The following ALLC variants were observed in gnomAD, a reference collection of about 807,000 sequenced individuals.
The protein encoded by ALLC is allantoicase, also known as probable inactive allantoicase.
A neutral mutation model predicts 45.0 loss-of-function variants in ALLC; 40 were observed. The observed-to-expected ratio is 0.89, with a 90% CI of 0.69 to 1.16. ALLC has a LOEUF of 1.16. ALLC is among the 50% of genes most tolerant of loss of function. The pLI, the probability that ALLC is intolerant of heterozygous loss-of-function variation, is 0.00. For missense variants in ALLC, 488 were observed against 493.1 expected, an observed-to-expected ratio of 0.99 and a Z score of 0.10; for synonymous variants, 176 against 178.1, an observed-to-expected ratio of 0.99 and a Z score of 0.09.
chr2:3,702,584 C>A lies in ALLC; in HGVS notation c.*21C>A. 1 of 1,516,492 alleles carries A rather than the reference C, an allele frequency of 6.6e-7. No homozygotes were observed. The highest frequency in any genetic ancestry group is 1.3e-5 in the South Asian group (1 of 76,956). 93.9% of individuals were successfully genotyped at this position (1,516,492 alleles called of 1,614,324 possible). Reference sequence around the variant, plus strand: ...CTTAACACACACAAAGCCCCGGTGTCGGACACACAGCAGTAATTTCCCAGT... The same window carrying A: ...CTTAACACACACAAAGCCCCGGTGTAGGACACACAGCAGTAATTTCCCAGT... On this transcript the variant is annotated 3_prime_UTR_variant, in exon 12 of 12. Coordinates refer to ENST00000252505, the MANE Select transcript of ALLC (RefSeq NM_018436.4).
chr2:3,685,394 G>A (rs1360933742), intron 7 of ALLC, among the ~76,000 whole-genome samples: 1 of 150,806 alleles, frequency 6.6e-6, no homozygotes, highest in African/African-American at 2.4e-5. Flanking sequence ...GAAAGAGAAG[G>A]CGAAGCAAGG....
intron 9 of ALLC, among the ~76,000 whole-genome samples, chr2:3,696,708 C>T (rs1037603301): frequency 1.3e-5 from 2 of 152,168 alleles, no homozygotes; most frequent in African/African-American, 2.4e-5. Context: ...CTGTGTATCT[C>T]AGGATTACAC....
At chr2:3,686,545 A>C (rs1667337995) in intron 7 of ALLC, among the ~76,000 whole-genome samples, 1 of 151,046 alleles carries the variant, frequency 6.6e-6, no homozygotes, top group Non-Finnish European at 1.5e-5. Flanking sequence ...TGTCATTTTA[A>C]CAATATTAAT....
At chr2:3,669,519 G>T (rs550541415) in intron 1 of ALLC, among the ~76,000 whole-genome samples, 1 of 151,644 alleles carries the variant, frequency 6.6e-6, no homozygotes. Flanking sequence ...GTGGTGGCAG[G>T]CACCTGTAAT....
chr2:3,652,705 C>T, the ALLC span, among the ~76,000 whole-genome samples: 3 of 150,600 alleles, frequency 2.0e-5, no homozygotes, highest in East Asian at 4.0e-4. Context: ...GCCTCAGACT[C>T]CCAAGTAGCT....
Position 3,676,780 on chromosome 2 carries a change from TTCTC to T in ALLC, c.85-1674_85-1671del, listed in dbSNP as rs113394246. Among the ~76,000 whole-genome samples the T allele has an allele frequency of 7.9e-5, 12 of 151,180 alleles. No individual in the cohort carries two copies. In the East Asian group the frequency reaches 2.3e-3, roughly 30 times the overall value. On this transcript the variant is annotated intron_variant, in intron 3 of 11. Coordinates refer to ENST00000252505, the MANE Select transcript of ALLC (RefSeq NM_018436.4). ...TTTATCCCTGGGACCAGTCCTTGGT[TTCTC>T]TCTCTCTCTCTCTTTTTTTTTGAGA...
intron 10 of ALLC, among the ~76,000 whole-genome samples, chr2:3,700,170 T>C (rs1321340626): frequency 6.6e-6 from 1 of 152,216 alleles, no homozygotes; most frequent in East Asian, 1.9e-4. Flanking sequence ...TGAGTTGATT[T>C]TTGTATATGG....
intron 3 of ALLC, among the ~76,000 whole-genome samples, chr2:3,676,782 C>T (rs1667034231): frequency 1.3e-5 from 2 of 150,594 alleles, no homozygotes; most frequent in Admixed American, 6.6e-5. Context: ...TCCTTGGTTT[C>T]TCTCTCTCTC....
chr2:3,672,184 C>T (rs1201337538), intron 2 of ALLC, among the ~76,000 whole-genome samples: 143 of 57,580 alleles, frequency 2.5e-3, no homozygotes, highest in Admixed American at 3.5e-3. Context: ...TGGGAGGTCC[C>T]CAGGCTCTGA....
chr2:3,685,444 A>AGG (rs1304228916), intron 7 of ALLC, among the ~76,000 whole-genome samples: 1 of 150,530 alleles, frequency 6.6e-6, no homozygotes, highest in African/African-American at 2.4e-5. Flanking sequence ...AGAGAGAGAG[A>AGG]GACAGAGAGA....
At chr2:3,665,471 C>G (rs953198689) in intron 1 of ALLC, among the ~76,000 whole-genome samples, 5 of 152,182 alleles carry the variant, frequency 3.3e-5, no homozygotes, top group East Asian at 3.9e-4. Context: ...CTCCTCCCCC[C>G]ACCCCCGACA....
the ALLC span, among the ~76,000 whole-genome samples, chr2:3,647,638 C>G: frequency 6.6e-6 from 1 of 151,958 alleles, no homozygotes; most frequent in South Asian, 2.1e-4. Context: ...CACCCGTCCT[C>G]TCCTGATGCC....
intron 1 of ALLC, among the ~76,000 whole-genome samples, chr2:3,661,696 TG>T (rs761059388): frequency 3.0e-4 from 46 of 152,218 alleles, no homozygotes; most frequent in Non-Finnish European, 5.7e-4. Flanking sequence ...TTCACTTTGG[TG>T]GTGACTGATA....
chr2:3,673,737 T>C (rs1194444552), intron 2 of ALLC, among the ~76,000 whole-genome samples: 2 of 152,236 alleles, frequency 1.3e-5, no homozygotes, highest in African/African-American at 4.8e-5. Context: ...AGAGCTTTTT[T>C]GGTCATTGCT....
At chr2:3,651,562 C>T in the ALLC span, among the ~76,000 whole-genome samples, 43 of 151,958 alleles carry the variant, frequency 2.8e-4, no homozygotes, top group Middle Eastern at 3.4e-3. Context: ...GAGTTCTCAT[C>T]CTCAGTGGCA....
chr2:3,684,567 C>T (rs1039776735), intron 7 of ALLC, among the ~76,000 whole-genome samples: 1 of 152,030 alleles, frequency 6.6e-6, no homozygotes, highest in African/African-American at 2.4e-5. Flanking sequence ...ATCCCTCACC[C>T]CCCACCCTTC....
chr2:3,648,637 C>G, the ALLC span, among the ~76,000 whole-genome samples: 3 of 152,192 alleles, frequency 2.0e-5, no homozygotes, highest in African/African-American at 7.2e-5. Context: ...CCTCCATTCC[C>G]CTAGGGCTGC....
At chr2:3,651,769 C>T in the ALLC span, among the ~76,000 whole-genome samples, 1 of 152,116 alleles carries the variant, frequency 6.6e-6, no homozygotes, top group East Asian at 1.9e-4. Context: ...AGGACGAGAT[C>T]CCTGACAGAT....
chr2:3,696,757 T>A (rs1482074581), intron 9 of ALLC, among the ~76,000 whole-genome samples: 1 of 152,086 alleles, frequency 6.6e-6, no homozygotes. Context: ...CGCTCTAGAG[T>A]CCATGCAGCT....
Sources: allele counts gnomAD v4.1 joint callset (sites outside exome capture counted in the v4.1 genomes callset), GRCh38; gene constraint gnomAD v4.1.1; transcripts MANE v1.5; gene names NCBI Gene and HGNC (gene_info 2026-07-23, HGNC 2026-07-21).